The following MAP4K3 variants were observed in gnomAD, a reference collection of about 807,000 sequenced individuals.
MAP4K3 encodes mitogen-activated protein kinase kinase kinase kinase 3.
In MAP4K3, 94 loss-of-function variants were observed where a neutral mutation model predicts 143.5. The ratio of observed to expected loss-of-function variants is 0.65; its 90% confidence interval spans 0.55 to 0.78. The LOEUF is 0.78. Among genes scored for constraint, MAP4K3 ranks in the 30% least tolerant of loss-of-function variants. The pLI is 0.00. For synonymous variants in MAP4K3, 416 were observed against 347.2 expected (o/e 1.20, Z -2.20); for missense variants, 1,077 against 1,068.1 (o/e 1.01, Z -0.12).
intron 3 of MAP4K3, among the ~76,000 whole-genome samples, chr2:39,347,172 A>T (rs1358346636): frequency 6.6e-6 from 1 of 152,244 alleles, no homozygotes; most frequent in Non-Finnish European, 1.5e-5. Flanking sequence ...CAGCTACTGG[A>T]ATACGAGCTT....
At chr2:39,261,886 G>T (rs1680582230) in intron 28 of MAP4K3, among the ~76,000 whole-genome samples, 1 of 151,866 alleles carries the variant, frequency 6.6e-6, no homozygotes, top group South Asian at 2.1e-4. Flanking sequence ...TATGAGCTTA[G>T]ATAGTAAAAA....
At chr2:39,435,684 G>A (rs1374985869) in intron 1 of MAP4K3, among the ~76,000 whole-genome samples, 1 of 152,144 alleles carries the variant, frequency 6.6e-6, no homozygotes, top group Non-Finnish European at 1.5e-5. Flanking sequence ...AAACACTTAG[G>A]AAGATTTGGA....
intron 21 of MAP4K3, chr2:39,283,542 T>C (rs185929638): frequency 1.8e-4 from 28 of 152,358 alleles, no homozygotes; most frequent in African/African-American, 6.7e-4. Context: ...ATCTGTTATA[T>C]ATATACAACA....
intron 12 of MAP4K3, among the ~76,000 whole-genome samples, chr2:39,320,539 G>A (rs1245315294): frequency 6.8e-6 from 1 of 147,646 alleles, no homozygotes; most frequent in East Asian, 2.0e-4. Flanking sequence ...TTTTTTTCTT[G>A]GAGGAGCAGT....
At chr2:39,402,668 A>G (rs1323728953) in intron 1 of MAP4K3, among the ~76,000 whole-genome samples, 2 of 152,156 alleles carry the variant, frequency 1.3e-5, no homozygotes, top group African/African-American at 2.4e-5. Flanking sequence ...AATTAAATAG[A>G]AAATAAAAAC....
intron 22 of MAP4K3, among the ~76,000 whole-genome samples, chr2:39,282,216 G>C (rs60938752): frequency 0.02 from 3,039 of 150,516 alleles, 98 homozygotes; most frequent in African/African-American, 0.071. Context: ...AAAAGAAAAA[G>C]GGCAGGCATG....
At chr2:39,301,948 C>T (rs548048661) in intron 15 of MAP4K3, among the ~76,000 whole-genome samples, 5 of 151,880 alleles carry the variant, frequency 3.3e-5, no homozygotes, top group Admixed American at 6.6e-5. Context: ...CGCTTGAACC[C>T]GGGAGGCGGA....
intron 1 of MAP4K3, among the ~76,000 whole-genome samples, chr2:39,413,714 G>A (rs867377035): frequency 1.9e-4 from 26 of 139,962 alleles, no homozygotes; most frequent in Middle Eastern, 6.9e-3. Flanking sequence ...CACCAGACAG[G>A]GGAGTCCGTT....
At chr2:39,392,238 A>G (rs544349248) in intron 1 of MAP4K3, among the ~76,000 whole-genome samples, 2 of 151,972 alleles carry the variant, frequency 1.3e-5, no homozygotes, top group South Asian at 4.2e-4. Flanking sequence ...CAAATGCAGA[A>G]TATCACTTCT....
At chr2:39,284,674 T>C (rs761922261) in intron 21 of MAP4K3, among the ~76,000 whole-genome samples, 119 of 151,650 alleles carry the variant, frequency 7.8e-4, no homozygotes, top group Admixed American at 2.0e-3. Flanking sequence ...TGAAACTCCG[T>C]CTGTACTAAA....
At chr2:39,267,576 G>A (rs1399427416) in intron 26 of MAP4K3, among the ~76,000 whole-genome samples, 1 of 151,884 alleles carries the variant, frequency 6.6e-6, no homozygotes, top group Non-Finnish European at 1.5e-5. Context: ...AGGAGGCTGA[G>A]GCAGGAGAAT....
At chr2:39,348,434 T>C (rs1183878047) in intron 3 of MAP4K3, among the ~76,000 whole-genome samples, 1 of 152,162 alleles carries the variant, frequency 6.6e-6, no homozygotes, top group African/African-American at 2.4e-5. Context: ...TAAAGTCTAG[T>C]ATTATCCAAA....
At chr2:39,421,197 C>G (rs561116769) in intron 1 of MAP4K3, among the ~76,000 whole-genome samples, 1 of 152,258 alleles carries the variant, frequency 6.6e-6, no homozygotes, top group African/African-American at 2.4e-5. Context: ...TCCCTTATTT[C>G]TATCACATTT....
chr2:39,398,035 C>T (rs148078406), intron 1 of MAP4K3, among the ~76,000 whole-genome samples: 9 of 152,138 alleles, frequency 5.9e-5, no homozygotes, highest in African/African-American at 2.2e-4. Context: ...TATATTGCTG[C>T]TGAAATGCAA....
Position 39,276,875 on chromosome 2 carries a change from G to A in MAP4K3, c.1794+1532C>T, listed in dbSNP as rs537821404. ...AGAGAAATGGGGAATGACCACTAATGATTACGGAGGTTCTTTTGGAGATGA... is the reference window on the plus strand; with the variant it reads ...AGAGAAATGGGGAATGACCACTAATAATTACGGAGGTTCTTTTGGAGATGA... On this transcript the variant is annotated intron_variant, in intron 24 of 33. Transcript: ENST00000263881. Among the ~76,000 whole-genome samples the A allele has an allele frequency of 5.6e-4, 86 of 152,310 alleles. 1 individual carries two copies. Among genetic ancestry groups the A allele is most frequent in the Admixed American group, 1.0e-3 (16 of 15,304 alleles).
At chr2:39,335,096 A>G (rs1319825545) in intron 6 of MAP4K3, among the ~76,000 whole-genome samples, 1 of 152,176 alleles carries the variant, frequency 6.6e-6, no homozygotes, top group Non-Finnish European at 1.5e-5. Flanking sequence ...GAAAAGAATG[A>G]GTAAAACAGA....
At chr2:39,343,114 G>A (rs897209045) in intron 4 of MAP4K3, among the ~76,000 whole-genome samples, 1 of 152,122 alleles carries the variant, frequency 6.6e-6, no homozygotes, top group African/African-American at 2.4e-5. Flanking sequence ...CAAAGCCCTT[G>A]AATTTTTACA....
At chr2:39,324,544 A>G (rs1239994147) in intron 12 of MAP4K3, among the ~76,000 whole-genome samples, 1 of 152,230 alleles carries the variant, frequency 6.6e-6, no homozygotes, top group Non-Finnish European at 1.5e-5. Context: ...CTTATCTATC[A>G]TAAGATGGCA....
At position 39,254,537 on chromosome 2, in the gene MAP4K3, G is replaced by A. The variant is rs374055944; in HGVS notation, c.2471-17C>T. On this transcript the variant is annotated splice_polypyrimidine_tract_variant and intron_variant, in intron 31 of 33. Coordinates refer to ENST00000263881, the MANE Select transcript of MAP4K3 (RefSeq NM_003618.4). ...GTAGGCACACTAGCAGGCAAGAACA[G>A]CTCAATTACTGTTAATAGTACAAAA... 1.3e-4 allele frequency: 210 copies of A among 1,604,810 alleles called. No homozygotes were observed. The highest frequency in any genetic ancestry group is 3.3e-4 in the Middle Eastern group (2 of 6,060).
Sources: allele counts gnomAD v4.1 joint callset (sites outside exome capture counted in the v4.1 genomes callset), GRCh38; gene constraint gnomAD v4.1.1; transcripts MANE v1.5; gene names NCBI Gene and HGNC (gene_info 2026-07-23, HGNC 2026-07-21).